Variants in RASAL2 observed in about 807,000 individuals in gnomAD.
RASAL2 encodes RAS protein activator like 2.
In RASAL2, 58 loss-of-function variants were observed where a neutral mutation model predicts 128.9. The observed-to-expected ratio is 0.45, with a 90% CI of 0.36 to 0.56. RASAL2 has a LOEUF of 0.56. RASAL2 is among the 20% of genes least tolerant of loss of function. The probability of loss-of-function intolerance (pLI) is 0.00; values close to 1 mark genes in which losing one functional copy is unlikely to be tolerated. For missense variants in RASAL2, 1,360 were observed against 1,601.6 expected, an observed-to-expected ratio of 0.85 and a Z score of 2.57; for synonymous variants, 561 against 580.8, an observed-to-expected ratio of 0.97 and a Z score of 0.49.
In RASAL2 at chr1:178,309,001, C is replaced by A. The variant is rs531252196; in HGVS notation, c.457+8883C>A. 9.2e-5 allele frequency among the ~76,000 whole-genome samples: 14 copies of A among 152,154 alleles called. No homozygotes were observed. The South Asian group carries it at 2.9e-3, about 32-fold the overall frequency. ...GATTTAATATTATAAGAGATATATT[C>A]TTTCCTTTATAAAATAGAGTAAAAA... On this transcript the variant is annotated intron_variant, in intron 3 of 17. Coordinates refer to ENST00000367649, the MANE Select transcript of RASAL2 (RefSeq NM_170692.4).
chr1:178,275,763 C>T (rs1445174776), intron 1 of RASAL2, among the ~76,000 whole-genome samples: 1 of 152,192 alleles, frequency 6.6e-6, no homozygotes, highest in Non-Finnish European at 1.5e-5. Flanking sequence ...GGAAATTACT[C>T]ACCAGAGAGA....
intron 1 of RASAL2, among the ~76,000 whole-genome samples, chr1:178,280,919 C>T (rs751248205): frequency 6.6e-6 from 1 of 151,942 alleles, no homozygotes; most frequent in Admixed American, 6.6e-5. Context: ...CTGAGCTTGT[C>T]CTGGTAACGT....
chr1:178,173,211 G>A (rs1467767751), intron 1 of RASAL2, among the ~76,000 whole-genome samples: 1 of 152,026 alleles, frequency 6.6e-6, no homozygotes, highest in African/African-American at 2.4e-5. Context: ...AAATTCCAAT[G>A]TGCCACCTAC....
At chr1:178,393,551 G>A (rs1227291672) in intron 4 of RASAL2, among the ~76,000 whole-genome samples, 1 of 152,212 alleles carries the variant, frequency 6.6e-6, no homozygotes, top group Non-Finnish European at 1.5e-5. Context: ...TCGCTCACCT[G>A]CTGCTCACCT....
chr1:178,225,808 A>G (rs1571658899), intron 1 of RASAL2, among the ~76,000 whole-genome samples: 1 of 151,992 alleles, frequency 6.6e-6, no homozygotes, highest in Non-Finnish European at 1.5e-5. Flanking sequence ...ATGCTAACTC[A>G]TAAGAATGTA....
intron 2 of RASAL2, among the ~76,000 whole-genome samples, chr1:178,285,469 G>C (rs1666985292): frequency 6.6e-6 from 1 of 152,094 alleles, no homozygotes; most frequent in Admixed American, 6.5e-5. Flanking sequence ...TGAAGAACTT[G>C]CTCATTCTTT....
At chr1:178,223,599 A>C (rs1002809973) in intron 1 of RASAL2, among the ~76,000 whole-genome samples, 2 of 152,182 alleles carry the variant, frequency 1.3e-5, no homozygotes, top group Admixed American at 6.5e-5. Flanking sequence ...TGTAAGTGGG[A>C]AACCATTGAA....
chr1:178,332,138 A>G (rs1288464633), intron 3 of RASAL2, among the ~76,000 whole-genome samples: 1 of 152,208 alleles, frequency 6.6e-6, no homozygotes. Context: ...AAATGATGGT[A>G]TAGGATAAAG....
Position 178,465,963 on chromosome 1 carries a change from C to A in RASAL2, c.3431C>A (p.Ser1144Tyr). The A allele has an allele frequency of 6.4e-7, 1 of 1,555,742 alleles. No homozygotes were observed. The highest frequency in any genetic ancestry group is 8.7e-7 in the Non-Finnish European group (1 of 1,148,826). ...ITKLKERLRVSSRRLEEYERR... is the reference protein window; with the variant it reads ...ITKLKERLRVYSRRLEEYERR... ...AAACTGAAGGAGCGCCTGAGAGTTT[C>A]CAGCCGGCGACTGGAGGAATATGAA... is the stretch of plus-strand genomic sequence containing the variant. Residue 1144 changes from serine to tyrosine, a missense_variant, in exon 16 of 18, where the codon TCC (serine) becomes TAC (tyrosine). Ser to Tyr is a moderately radical substitution (Grantham distance 144). Transcript: ENST00000367649.
intron 3 of RASAL2, among the ~76,000 whole-genome samples, chr1:178,302,153 G>A (rs1010117289): frequency 6.6e-6 from 1 of 152,092 alleles, no homozygotes; most frequent in Non-Finnish European, 1.5e-5. Flanking sequence ...ATCTCCAAGT[G>A]ATTTGTCTTT....
rs1669547196 is a variant in RASAL2, at chr1:178,335,578, A to G, written c.457+35460A>G. 3.3e-5 allele frequency among the ~76,000 whole-genome samples: 5 copies of G among 152,220 alleles called. No homozygotes were observed. In the South Asian group the frequency reaches 1.0e-3, roughly 32 times the overall value. On this transcript the variant is annotated intron_variant, in intron 3 of 17. Coordinates refer to ENST00000367649, the MANE Select transcript of RASAL2 (RefSeq NM_170692.4). ...CACACACTCTCAGACACACACACTG[A>G]TCTTCCTCTCCCTGGCCCCTCCGTA...
At chr1:178,283,821 T>TA in intron 2 of RASAL2, 130 bp downstream of exon 2, 2 of 1,092,556 alleles carry the variant, frequency 1.8e-6, no homozygotes, top group Non-Finnish European at 2.6e-6. Context: ...TAGGTAAGTC[T>TA]AAAAGGCTGC....
intron 3 of RASAL2, among the ~76,000 whole-genome samples, chr1:178,351,926 C>A (rs929372447): frequency 7.9e-5 from 12 of 152,174 alleles, no homozygotes; most frequent in African/African-American, 2.4e-4. Context: ...TAAACATACT[C>A]TTTGAGGCTG....
chr1:178,152,726 A>G (rs949340354), intron 1 of RASAL2, among the ~76,000 whole-genome samples: 1 of 152,198 alleles, frequency 6.6e-6, no homozygotes, highest in Admixed American at 6.5e-5. Context: ...TTATACATAC[A>G]CAAAAGTGGA....
rs560347108 is a variant in RASAL2, at chr1:178,108,496, C to G, written c.202+13802C>G. On this transcript the variant is annotated intron_variant, in intron 1 of 17. Transcript: ENST00000367649. ...TATTTAATCTTTATAACTACACTAT[C>G]AGGTAAATACTATTGTTTTTCTCAT... Among the ~76,000 whole-genome samples the G allele has an allele frequency of 1.2e-4, 19 of 152,286 alleles. 2 individuals are homozygous for G. The South Asian group carries it at 3.7e-3, about 30-fold the overall frequency.
intron 3 of RASAL2, among the ~76,000 whole-genome samples, chr1:178,301,436 T>TC (rs1667756083): frequency 6.6e-6 from 1 of 151,968 alleles, no homozygotes; most frequent in Non-Finnish European, 1.5e-5. Flanking sequence ...CTGTTGTCTC[T>TC]CTTTTTTTTT....
chr1:178,244,191 A>G (rs1011859234), intron 1 of RASAL2, among the ~76,000 whole-genome samples: 1 of 152,166 alleles, frequency 6.6e-6, no homozygotes, highest in African/African-American at 2.4e-5. Flanking sequence ...ATTAAGTTGT[A>G]TAAGGGGTCA....
At chr1:178,169,602 G>C (rs1661636357) in intron 1 of RASAL2, among the ~76,000 whole-genome samples, 1 of 151,916 alleles carries the variant, frequency 6.6e-6, no homozygotes, top group Admixed American at 6.6e-5. Context: ...GGTCCTACTT[G>C]TGTCACGTTT....
chr1:178,269,644 G>A (rs1666151785), intron 1 of RASAL2, among the ~76,000 whole-genome samples: 1 of 152,132 alleles, frequency 6.6e-6, no homozygotes, highest in South Asian at 2.1e-4. Flanking sequence ...ACTCCCACCA[G>A]CGCCATGACA....
Sources: gnomAD v4.1 joint callset for allele counts (sites outside exome capture counted in the v4.1 genomes callset) on GRCh38, gnomAD v4.1.1 for gene constraint, MANE v1.5 for transcripts, NCBI Gene and HGNC (gene_info 2026-07-23, HGNC 2026-07-21) for gene names.